Variants in SGCZ observed in about 807,000 individuals in gnomAD.
SGCZ encodes the protein zeta-sarcoglycan.
In SGCZ, 40 loss-of-function variants were observed where a neutral mutation model predicts 41.3. That is an observed-to-expected ratio of 0.97 (90% confidence interval 0.75 to 1.26). The LOEUF is 1.26. SGCZ is among the 50% of genes most tolerant of loss of function. SGCZ has a pLI of 0.00. For missense variants in SGCZ, 552 were observed against 369.8 expected (o/e 1.49, Z -4.04); for synonymous variants, 206 against 137.5 (o/e 1.50, Z -3.49).
chr8:14,462,273 G>A (rs1172589586), intron 2 of SGCZ, among the ~76,000 whole-genome samples: 2 of 151,276 alleles, frequency 1.3e-5, no homozygotes, highest in Non-Finnish European at 3.0e-5. Flanking sequence ...ATATAGAGGT[G>A]CAAGAAAAAA....
rs1234286602 is a variant in SGCZ, at chr8:14,831,828, A to ATATATGTGTGCACATACATG, written c.40-276922_40-276903dup. Reference sequence around the variant, plus strand: ...TGTATATATGTGTGCACATACATGTATATATGTGTGCACATACATGTATAT... The same window carrying ATATATGTGTGCACATACATG: ...TGTATATATGTGTGCACATACATGTATATATGTGTGCACATACATGTATATGTGTGCACATACATGTATAT... On this transcript the variant is annotated intron_variant, in intron 1 of 7. Transcript: ENST00000382080. Among the ~76,000 whole-genome samples, 23 of 152,338 alleles carry ATATATGTGTGCACATACATG rather than the reference A, an allele frequency of 1.5e-4. No homozygotes were observed. The South Asian group carries it at 2.7e-3, about 18-fold the overall frequency.
At chr8:14,770,544 C>T (rs1172189594) in intron 1 of SGCZ, among the ~76,000 whole-genome samples, 1 of 151,818 alleles carries the variant, frequency 6.6e-6, no homozygotes, top group Admixed American at 6.6e-5. Flanking sequence ...TATGTTCTCA[C>T]ATAAAATATC....
At chr8:15,187,387 T>C (rs1800380484) in intron 1 of SGCZ, among the ~76,000 whole-genome samples, 1 of 152,062 alleles carries the variant, frequency 6.6e-6, no homozygotes, top group African/African-American at 2.4e-5. Context: ...TAATGTGCAT[T>C]TTACAAGAGG....
At chr8:14,901,337 G>A (rs533381296) in intron 1 of SGCZ, among the ~76,000 whole-genome samples, 9 of 152,294 alleles carry the variant, frequency 5.9e-5, no homozygotes, top group African/African-American at 2.2e-4. Flanking sequence ...ATGCATGGGA[G>A]TAGCTCCCAA....
intron 2 of SGCZ, among the ~76,000 whole-genome samples, chr8:14,501,562 G>A (rs753420492): frequency 1.3e-5 from 2 of 150,134 alleles, no homozygotes; most frequent in Non-Finnish European, 1.5e-5. Context: ...AAACTTGACT[G>A]CTTTTCATAA....
At chr8:14,767,208 T>C (rs1800064423) in intron 1 of SGCZ, among the ~76,000 whole-genome samples, 2 of 152,132 alleles carry the variant, frequency 1.3e-5, no homozygotes, top group Non-Finnish European at 2.9e-5. Context: ...CTCCTAGGCC[T>C]CCAAGGCCTT....
At chr8:14,119,988 A>G (rs183431364) in intron 5 of SGCZ, among the ~76,000 whole-genome samples, 2 of 152,132 alleles carry the variant, frequency 1.3e-5, no homozygotes, top group African/African-American at 4.8e-5. Flanking sequence ...GGATTTTTGC[A>G]TCGATGCTCA....
intron 3 of SGCZ, among the ~76,000 whole-genome samples, chr8:14,239,691 A>C (rs1798791057): frequency 6.6e-6 from 1 of 151,654 alleles, no homozygotes; most frequent in African/African-American, 2.4e-5. Context: ...TCACGAGGTC[A>C]GGAGATCGAG....
chr8:15,092,630 T>A (rs560628281), intron 1 of SGCZ, among the ~76,000 whole-genome samples: 3 of 152,220 alleles, frequency 2.0e-5, no homozygotes, highest in Non-Finnish European at 4.4e-5. Context: ...AGAAAACAAC[T>A]GTCAATTTTA....
chr8:14,632,672 T>G (rs1202099822), intron 1 of SGCZ, among the ~76,000 whole-genome samples: 1 of 152,114 alleles, frequency 6.6e-6, no homozygotes, highest in Non-Finnish European at 1.5e-5. Context: ...GCCATCTCTT[T>G]GATGTCTTAA....
chr8:15,180,487 G>GT (rs1195804126), intron 1 of SGCZ, among the ~76,000 whole-genome samples: 3 of 151,672 alleles, frequency 2.0e-5, no homozygotes, highest in Non-Finnish European at 4.4e-5. Context: ...TTATTGCTTT[G>GT]TTTTTTTGTA....
In SGCZ at chr8:14,380,196, G is replaced by C. The variant is rs113209440; in HGVS notation, c.235-55992C>G. 2.0e-3 allele frequency among the ~76,000 whole-genome samples: 301 copies of C among 152,202 alleles called. 2 individuals carry two copies. Among genetic ancestry groups the C allele is most frequent in the African/African-American group, 7.0e-3 (292 of 41,498 alleles). On this transcript the variant is annotated intron_variant, in intron 2 of 7. Transcript: ENST00000382080. ...TTATATAGTACTTTAACATTCACAT[G>C]TCAACTTATTTGTGAATATTTTTTC...
intron 1 of SGCZ, among the ~76,000 whole-genome samples, chr8:14,607,170 C>T (rs1450614018): frequency 1.3e-5 from 2 of 152,048 alleles, no homozygotes; most frequent in East Asian, 3.9e-4. Flanking sequence ...TTGAACAAAA[C>T]CATAAATTTA....
intron 1 of SGCZ, among the ~76,000 whole-genome samples, chr8:15,095,275 T>C (rs1393945627): frequency 6.6e-6 from 1 of 152,068 alleles, no homozygotes; most frequent in Non-Finnish European, 1.5e-5. Flanking sequence ...ATTTTTGTAT[T>C]TTTAGTAGAG....
At chr8:14,457,024 C>T (rs970283441) in intron 2 of SGCZ, among the ~76,000 whole-genome samples, 1 of 152,114 alleles carries the variant, frequency 6.6e-6, no homozygotes, top group African/African-American at 2.4e-5. Context: ...CGACAAGCCA[C>T]CCAGGCACCG....
chr8:14,331,746 A>T (rs1323623796), intron 2 of SGCZ, among the ~76,000 whole-genome samples: 1 of 151,976 alleles, frequency 6.6e-6, no homozygotes. Flanking sequence ...GTTATAAAAG[A>T]AAGTTTTTAA....
chr8:14,380,745 G>A (rs1038415489), intron 2 of SGCZ, among the ~76,000 whole-genome samples: 3 of 152,056 alleles, frequency 2.0e-5, no homozygotes, highest in Admixed American at 2.0e-4. Context: ...CCAGCTACTC[G>A]CTACTTGGAA....
chr8:15,141,907 A>C (rs377487441), intron 1 of SGCZ, among the ~76,000 whole-genome samples: 1,235 of 119,828 alleles, frequency 0.01, 10 homozygotes, highest in East Asian at 0.044. Context: ...AAAAAAAAAA[A>C]AACAAAAAAA....
At chr8:15,048,778 A>G (rs1382535074) in intron 1 of SGCZ, among the ~76,000 whole-genome samples, 2 of 152,114 alleles carry the variant, frequency 1.3e-5, no homozygotes, top group Non-Finnish European at 2.9e-5. Flanking sequence ...ATATATAGAC[A>G]TATTTATCAT....
Sources: allele counts gnomAD v4.1 joint callset (sites outside exome capture counted in the v4.1 genomes callset), GRCh38; gene constraint gnomAD v4.1.1; transcripts MANE v1.5; gene names NCBI Gene and HGNC (gene_info 2026-07-23, HGNC 2026-07-21).